The following ZPBP variants were observed in gnomAD, a reference collection of about 807,000 sequenced individuals.
ZPBP encodes the protein zona pellucida-binding protein 1.
ZPBP carries 26 observed loss-of-function variants against 44.8 expected under a neutral mutation model. The ratio of observed to expected loss-of-function variants is 0.58; its 90% CI spans 0.43 to 0.81. The LOEUF (loss-of-function observed/expected upper bound fraction) is 0.81. ZPBP is among the 30% of genes least tolerant of loss of function. The pLI is 0.00. For missense variants in ZPBP, 409 were observed against 434.0 expected, an observed-to-expected ratio of 0.94 and a Z score of 0.51; for synonymous variants, 174 against 153.2, an observed-to-expected ratio of 1.14 and a Z score of -1.00.
At chr7:49,891,633 AC>A (rs1357439342) in intron 2 of ZPBP, among the ~76,000 whole-genome samples, 1 of 152,208 alleles carries the variant, frequency 6.6e-6, no homozygotes, top group Non-Finnish European at 1.5e-5. Context: ...CAGCAATAAT[AC>A]CAACATCAAG....
At chr7:49,880,421 GTTTTC>G (rs1004583760) in intron 2 of ZPBP, among the ~76,000 whole-genome samples, 3 of 150,948 alleles carry the variant, frequency 2.0e-5, no homozygotes, top group Non-Finnish European at 4.4e-5. Context: ...GTAGCATTTT[GTTTTC>G]TTTTGTTTTG....
chr7:49,963,232 A>C (rs527347250), intron 7 of ZPBP, among the ~76,000 whole-genome samples: 1 of 151,744 alleles, frequency 6.6e-6, no homozygotes, highest in East Asian at 1.9e-4. Context: ...GAGATGGACA[A>C]CAGAAAGCAC....
intron 1 of ZPBP, chr7:49,912,311 C>G (rs1314355256): frequency 2.0e-6 from 2 of 999,524 alleles, no homozygotes; most frequent in Non-Finnish European, 2.8e-6. Flanking sequence ...ATTGTTGGTA[C>G]TTTTCCTTTT....
intron 2 of ZPBP, among the ~76,000 whole-genome samples, chr7:49,854,693 G>C (rs929211953): frequency 2.6e-5 from 4 of 152,148 alleles, no homozygotes; most frequent in Admixed American, 2.0e-4. Flanking sequence ...AGTTTCTTTT[G>C]CTGTGCAGAA....
chr7:50,023,887 G>C (rs546361548), intron 5 of ZPBP, among the ~76,000 whole-genome samples: 2 of 152,036 alleles, frequency 1.3e-5, no homozygotes, highest in Admixed American at 6.6e-5. Flanking sequence ...CCCATCAGTG[G>C]GGCTGGGGGA....
intron 6 of ZPBP, among the ~76,000 whole-genome samples, chr7:50,006,936 C>T (rs1405147392): frequency 6.6e-6 from 1 of 151,816 alleles, no homozygotes; most frequent in East Asian, 1.9e-4. Context: ...AATGTGTCCC[C>T]CAAAAATTCA....
intron 5 of ZPBP, among the ~76,000 whole-genome samples, chr7:50,020,699 T>G (rs1368906312): frequency 6.6e-6 from 1 of 152,024 alleles, no homozygotes; most frequent in Non-Finnish European, 1.5e-5. Flanking sequence ...GCAAAAATAG[T>G]AAAGAAGAAA....
intron 1 of ZPBP, among the ~76,000 whole-genome samples, chr7:50,092,424 T>G (rs1191495723): frequency 6.6e-6 from 1 of 152,206 alleles, no homozygotes; most frequent in Non-Finnish European, 1.5e-5. Flanking sequence ...TTTGAACAAC[T>G]TTTTTCATTT....
chr7:49,931,013 T>C (rs1794426250), intron 1 of ZPBP, among the ~76,000 whole-genome samples: 1 of 152,212 alleles, frequency 6.6e-6, no homozygotes, highest in South Asian at 2.1e-4. Context: ...CAAGATCTGA[T>C]GGTTTTATAA....
intron 1 of ZPBP, among the ~76,000 whole-genome samples, chr7:49,901,793 T>C (rs1792744071): frequency 6.8e-6 from 1 of 146,688 alleles, no homozygotes; most frequent in Non-Finnish European, 1.5e-5. Context: ...ATCAAGACAG[T>C]GTGGTATTGG....
At chr7:50,089,198 C>T (rs1014883589) in intron 2 of ZPBP, among the ~76,000 whole-genome samples, 3 of 152,114 alleles carry the variant, frequency 2.0e-5, no homozygotes, top group South Asian at 4.1e-4. Context: ...TTGAATTGTG[C>T]ACTTTAAAGG....
At chr7:50,086,869 A>G (rs773324986) in intron 2 of ZPBP, among the ~76,000 whole-genome samples, 108 of 152,086 alleles carry the variant, frequency 7.1e-4, no homozygotes, top group Non-Finnish European at 1.4e-3. Flanking sequence ...AACTTAAAGG[A>G]AATCCATAGC....
intron 7 of ZPBP, among the ~76,000 whole-genome samples, chr7:49,982,199 T>G (rs1797022318): frequency 3.5e-5 from 1 of 28,276 alleles, no homozygotes; most frequent in Non-Finnish European, 6.1e-5. Flanking sequence ...TATATATATT[T>G]ATTATATATA....
intron 5 of ZPBP, among the ~76,000 whole-genome samples, chr7:50,023,413 C>T (rs780029499): frequency 1.3e-5 from 2 of 151,922 alleles, no homozygotes; most frequent in Non-Finnish European, 2.9e-5. Context: ...CTCCATATCA[C>T]TCAAAGACCA....
chr7:50,078,330 A>G (rs1319280482), intron 3 of ZPBP, among the ~76,000 whole-genome samples: 2 of 151,654 alleles, frequency 1.3e-5, no homozygotes, highest in Non-Finnish European at 3.0e-5. Context: ...ACTATTTGAT[A>G]GCACAACAGG....
In ZPBP at chr7:49,912,057, G is replaced by A. The variant is rs149079306; in HGVS notation, n.412-10842C>T. ...AGGTCCAAACTGCTTTGCAGAAACCGCGGTGATCCCTGCTGGCAGAGAAGT... is the reference window on the plus strand; with the variant it reads ...AGGTCCAAACTGCTTTGCAGAAACCACGGTGATCCCTGCTGGCAGAGAAGT... On this transcript the variant is annotated intron_variant and non_coding_transcript_variant, in intron 1 of 2. Transcript: ENST00000465922. The A allele has an allele frequency of 3.0e-4, 491 of 1,613,618 alleles. No individual in the cohort carries two copies. The highest frequency in any genetic ancestry group is 3.5e-4 in the Non-Finnish European group (408 of 1,179,882).
At chr7:49,969,201 T>A (rs1302540344) in intron 7 of ZPBP, among the ~76,000 whole-genome samples, 1 of 149,044 alleles carries the variant, frequency 6.7e-6, no homozygotes, top group Non-Finnish European at 1.5e-5. Flanking sequence ...GAATATGATA[T>A]ATAGAAAATA....
chr7:49,947,205 T>G (rs988666126), intron 7 of ZPBP, among the ~76,000 whole-genome samples: 2 of 152,148 alleles, frequency 1.3e-5, no homozygotes, highest in Non-Finnish European at 2.9e-5. Context: ...GGTGCCCTAT[T>G]TAGTTCATTT....
intron 3 of ZPBP, among the ~76,000 whole-genome samples, chr7:50,081,486 A>G (rs1802349203): frequency 6.6e-6 from 1 of 151,782 alleles, no homozygotes; most frequent in African/African-American, 2.4e-5. Context: ...TACTGATCAA[A>G]TCAGTCATAC....
Sources: gnomAD v4.1 joint callset for allele counts (sites outside exome capture counted in the v4.1 genomes callset) on GRCh38, gnomAD v4.1.1 for gene constraint, MANE v1.5 for transcripts, NCBI Gene and HGNC (gene_info 2026-07-23, HGNC 2026-07-21) for gene names.